TTF1: variants seen among roughly 807,000 people sequenced by gnomAD.
TTF1 encodes the protein transcription termination factor 1.
Under a neutral mutation model 80.2 loss-of-function variants are expected in TTF1, and 64 were observed. The ratio of observed to expected loss-of-function variants is 0.80; its 90% confidence interval spans 0.65 to 0.98. The LOEUF (loss-of-function observed/expected upper bound fraction) is 0.98. Ranked by LOEUF, TTF1 falls within the 50% of genes least tolerant of loss-of-function variation. TTF1 has a pLI of 0.00. For missense variants in TTF1, 1,023 were observed against 1,086.2 expected, an observed-to-expected ratio of 0.94 and a Z score of 0.82; for synonymous variants, 372 against 382.7, an observed-to-expected ratio of 0.97 and a Z score of 0.33.
chr9:132,388,164 G>A lies in TTF1; in HGVS notation c.2287C>T (p.Arg763Trp), dbSNP rs112758716. 115 of 1,611,082 alleles carry A rather than the reference G, an allele frequency of 7.1e-5. No individual in the cohort carries two copies. The highest frequency in any genetic ancestry group is 9.1e-5 in the Non-Finnish European group (107 of 1,178,012). The change falls in exon 8 of 11, where the codon CGG becomes TGG. Residue 763 changes from arginine (R) to tryptophan (W), a missense_variant. By Grantham distance (101) the Arg-to-Trp change is moderately radical. Transcript: ENST00000334270. ...RRIYYGMNALRAKVSLIERLY... is the reference protein window; with the variant it reads ...RRIYYGMNALWAKVSLIERLY... ...CTTTCAATAAGGCTGACCTTGGCCC[G>A]CAGGGCATTCATGCCATAGTAGATA...
intron 3 of TTF1, among the ~76,000 whole-genome samples, chr9:132,399,034 A>T (rs1388826344): frequency 6.6e-6 from 1 of 152,006 alleles, no homozygotes; most frequent in East Asian, 1.9e-4. Flanking sequence ...CCCCATCTCA[A>T]CTAAAAATAC....
Position 132,386,568 on chromosome 9 carries a change from G to T in TTF1, c.2366C>A (p.Ala789Asp). ...CAAATGGTCTTACCCTATGGCACTA[G>T]CAAGATCTTCCCAGTCTATTTCATT... ...DTNEIDWEDL[A>D]SAIGDVPPSY... Residue 789 changes from alanine to aspartate, a missense_variant, in exon 9 of 11, where the codon GCT (alanine) becomes GAT (aspartate). By Grantham distance (126) the Ala-to-Asp change is moderately radical. Coordinates refer to ENST00000334270, the MANE Select transcript of TTF1 (RefSeq NM_007344.4). 1 of 1,611,862 alleles carries T rather than the reference G, an allele frequency of 6.2e-7. No individual in the cohort carries two copies. The highest frequency in any genetic ancestry group is 8.5e-7 in the Non-Finnish European group (1 of 1,178,034).
chr9:132,401,390 A>G, intron 2 of TTF1, 65 bp downstream of exon 2: 1 of 1,436,890 alleles, frequency 7.0e-7, no homozygotes, highest in Non-Finnish European at 9.3e-7. Flanking sequence ...TGCTAAATAA[A>G]GAGGTATCGG....
intron 9 of TTF1, among the ~76,000 whole-genome samples, chr9:132,385,374 A>C (rs1849445694): frequency 6.6e-6 from 1 of 152,260 alleles, no homozygotes; most frequent in Non-Finnish European, 1.5e-5. Context: ...TTGGGTACAC[A>C]AAGGTAACTG....
intron 9 of TTF1, among the ~76,000 whole-genome samples, chr9:132,382,761 CAAA>C (rs55904518): frequency 0.011 from 1,519 of 136,728 alleles, 29 homozygotes; most frequent in African/African-American, 0.039. Flanking sequence ...ACTAAAAATA[CAAA>C]AAAAAAAAAA....
At position 132,375,976 on chromosome 9, in the gene TTF1, G is replaced by A. The variant is rs755571234; in HGVS notation, c.2657C>T (p.Pro886Leu). 1 of 1,612,752 alleles carries A rather than the reference G, an allele frequency of 6.2e-7. No individual in the cohort carries two copies. The highest frequency in any genetic ancestry group is 1.1e-5 in the South Asian group (1 of 90,978). ...GGAATTACAGGCGTGAGCCATGCAT[G>A]GCGCCTGGCCTTCGCTTTCTTTTTC... ...DIEKESEGQA[P>L]CMAHACNSST... The change falls in exon 11 of 11, where the codon CCA (proline) becomes CTA (leucine). Residue 886 changes from proline (P) to leucine (L), a missense_variant. By Grantham distance (98) the Pro-to-Leu change is moderately conservative (BLOSUM62 -3). Coordinates refer to ENST00000334270, the MANE Select transcript of TTF1 (RefSeq NM_007344.4).
chr9:132,401,171 A>G (rs1849754936), intron 2 of TTF1, among the ~76,000 whole-genome samples: 1 of 152,052 alleles, frequency 6.6e-6, no homozygotes, highest in Non-Finnish European at 1.5e-5. Context: ...CTCTACTAAA[A>G]ATACAAAATT....
At chr9:132,389,820 C>T (rs1463456667) in intron 7 of TTF1, among the ~76,000 whole-genome samples, 1 of 152,186 alleles carries the variant, frequency 6.6e-6, no homozygotes, top group African/African-American at 2.4e-5. Flanking sequence ...AGGACTGAAA[C>T]TGTCTCTATG....
intron 10 of TTF1, among the ~76,000 whole-genome samples, chr9:132,377,912 GT>G (rs1374254026): frequency 9.2e-5 from 12 of 131,134 alleles, no homozygotes; most frequent in South Asian, 2.6e-4. Flanking sequence ...GAGTGCATGT[GT>G]GTGTGAGTGC....
intron 10 of TTF1, 139 bp from the exon 11 acceptor site, chr9:132,376,307 C>T: frequency 2.1e-6 from 2 of 941,514 alleles, no homozygotes; most frequent in Non-Finnish European, 3.1e-6. Context: ...AATTGGTTTA[C>T]CCACATTCAC....
At chr9:132,392,789 G>A (rs1274030990) in intron 5 of TTF1, among the ~76,000 whole-genome samples, 8 of 151,990 alleles carry the variant, frequency 5.3e-5, no homozygotes, top group Non-Finnish European at 1.5e-5. Flanking sequence ...TTAATCAAAG[G>A]AACTTTAAGA....
At chr9:132,377,323 G>A (rs547978590) in intron 10 of TTF1, among the ~76,000 whole-genome samples, 1 of 146,126 alleles carries the variant, frequency 6.8e-6, no homozygotes, top group Non-Finnish European at 1.5e-5. Context: ...CATGTGGTGT[G>A]TGTGTGAATG....
At chr9:132,398,963 C>T (rs950109599) in intron 3 of TTF1, among the ~76,000 whole-genome samples, 3 of 151,970 alleles carry the variant, frequency 2.0e-5, no homozygotes, top group South Asian at 4.2e-4. Context: ...TTTGGGAGGC[C>T]GAGACAGGCG....
chr9:132,387,116 C>T (rs1225370755), intron 8 of TTF1, among the ~76,000 whole-genome samples: 1 of 152,140 alleles, frequency 6.6e-6, no homozygotes, highest in Non-Finnish European at 1.5e-5. Flanking sequence ...TGGCACCATG[C>T]CCGGCTAATT....
At chr9:132,391,726 G>C (rs956455148) in intron 6 of TTF1, among the ~76,000 whole-genome samples, 3 of 152,216 alleles carry the variant, frequency 2.0e-5, no homozygotes, top group African/African-American at 7.2e-5. Context: ...TGACGGGCAC[G>C]AACTGCGTGC....
chr9:132,380,533 G>A (rs756025422), intron 9 of TTF1, among the ~76,000 whole-genome samples: 1 of 152,124 alleles, frequency 6.6e-6, no homozygotes, highest in African/African-American at 2.4e-5. Context: ...CCAGCTCTAC[G>A]GCAGCCTGTG....
chr9:132,390,788 T>C lies in TTF1; in HGVS notation c.2031A>G (p.Leu677=), dbSNP rs1233921319. The change falls in exon 7 of 11, where the codon CTA becomes CTG. Residue 677 remains leucine, a synonymous_variant. Coordinates refer to ENST00000334270, the MANE Select transcript of TTF1 (RefSeq NM_007344.4). Reference sequence around the variant, plus strand: ...GAATCACTTCTTCGACAGCCTTGATTAGTTTCCGGGTTTCAGACTTACTCC... The same window carrying C: ...GAATCACTTCTTCGACAGCCTTGATCAGTTTCCGGGTTTCAGACTTACTCC... The part of the protein sequence containing the change: ...GAWSKSETRK[L]IKAVEEVILK... 6.2e-7 allele frequency: 1 copy of C among 1,614,214 alleles called. No individual in the cohort carries two copies. Among genetic ancestry groups the C allele is most frequent in the Admixed American group, 1.7e-5 (1 of 60,028 alleles).
intron 9 of TTF1, among the ~76,000 whole-genome samples, chr9:132,385,450 G>A (rs1445678667): frequency 6.6e-6 from 1 of 152,184 alleles, no homozygotes; most frequent in Non-Finnish European, 1.5e-5. Flanking sequence ...AGGCGTGGGA[G>A]TCTGGCCTGC....
intron 6 of TTF1, among the ~76,000 whole-genome samples, chr9:132,391,482 A>C (rs1348318126): frequency 6.6e-6 from 1 of 150,832 alleles, no homozygotes; most frequent in Non-Finnish European, 1.5e-5. Context: ...TCCAAAAAAG[A>C]AAAAAAGATA....
Sources: allele counts gnomAD v4.1 joint callset (sites outside exome capture counted in the v4.1 genomes callset), GRCh38; gene constraint gnomAD v4.1.1; transcripts MANE v1.5; gene names NCBI Gene and HGNC (gene_info 2026-07-23, HGNC 2026-07-21).